Variants in STPG2 observed in about 807,000 individuals in gnomAD.
STPG2 encodes sperm-tail PG-rich repeat-containing protein 2.
A neutral mutation model predicts 54.2 loss-of-function variants in STPG2; 56 were observed. That is an observed-to-expected ratio of 1.03 (90% CI 0.83 to 1.29). STPG2 has a LOEUF of 1.29. Ranked by LOEUF, STPG2 falls within the 50% of genes most tolerant of loss-of-function variation. The pLI is 0.00. For synonymous variants in STPG2, 200 were observed against 181.8 expected, an observed-to-expected ratio of 1.10 and a Z score of -0.81; for missense variants, 596 against 544.9, an observed-to-expected ratio of 1.09 and a Z score of -0.93.
intron 4 of STPG2, among the ~76,000 whole-genome samples, chr4:97,442,644 G>T (rs899346826): frequency 8.5e-5 from 13 of 152,174 alleles, no homozygotes; most frequent in African/African-American, 3.1e-4. Context: ...CCTGCTGAAG[G>T]CTTATTTAAC....
chr4:97,529,765 G>A (rs768675924), intron 4 of STPG2, among the ~76,000 whole-genome samples: 7 of 152,092 alleles, frequency 4.6e-5, no homozygotes, highest in Non-Finnish European at 1.0e-4. Context: ...TAGTTTATTT[G>A]AGTAGAGGTG....
chr4:97,496,903 G>C (rs1730623179), intron 4 of STPG2, among the ~76,000 whole-genome samples: 1 of 151,098 alleles, frequency 6.6e-6, no homozygotes, highest in Non-Finnish European at 1.5e-5. Context: ...AGAAGTTCAT[G>C]ACTCCATTAA....
chr4:97,886,026 G>A (rs1029923824), intron 8 of STPG2, among the ~76,000 whole-genome samples: 2 of 152,120 alleles, frequency 1.3e-5, no homozygotes, highest in African/African-American at 4.8e-5. Flanking sequence ...ACAAAAATAT[G>A]CAATAGGCAA....
At chr4:97,841,014 A>C (rs1728787331) in intron 8 of STPG2, 82 bp from the exon 9 acceptor site, 1 of 1,358,288 alleles carries the variant, frequency 7.4e-7, no homozygotes, top group African/African-American at 1.5e-5. Context: ...TGGTTACAGT[A>C]AGCAATGAAT....
At chr4:97,928,034 C>T (rs529334744) in intron 8 of STPG2, among the ~76,000 whole-genome samples, 3 of 152,182 alleles carry the variant, frequency 2.0e-5, no homozygotes, top group African/African-American at 7.2e-5. Flanking sequence ...CACAGGCAAT[C>T]TTCCTTTCAA....
At chr4:97,900,193 T>C (rs779483528) in intron 8 of STPG2, among the ~76,000 whole-genome samples, 51 of 152,134 alleles carry the variant, frequency 3.4e-4, no homozygotes, top group Middle Eastern at 3.4e-3. Context: ...CACTAATAAT[T>C]ATACAAATGC....
chr4:98,127,512 C>T (rs1739864295), intron 3 of STPG2, among the ~76,000 whole-genome samples: 1 of 152,140 alleles, frequency 6.6e-6, no homozygotes, highest in Admixed American at 6.6e-5. Context: ...CTGAGAATGC[C>T]TTTTCTTTGC....
intron 5 of STPG2, among the ~76,000 whole-genome samples, chr4:98,064,105 C>T (rs1161597211): frequency 1.8e-4 from 27 of 152,146 alleles, no homozygotes. Context: ...ATTCTAGGAA[C>T]AACTTTCTAA....
At chr4:97,722,455 G>A (rs762097014) in intron 9 of STPG2, among the ~76,000 whole-genome samples, 1 of 152,116 alleles carries the variant, frequency 6.6e-6, no homozygotes, top group Non-Finnish European at 1.5e-5. Flanking sequence ...TAAAATCAGA[G>A]CCTTATGTGT....
chr4:97,456,891 CAAAAAAAA>C (rs57563048), intron 4 of STPG2, among the ~76,000 whole-genome samples: 2 of 48,894 alleles, frequency 4.1e-5, no homozygotes, highest in South Asian at 1.2e-3. Context: ...TGCTCCGTCT[CAAAAAAAA>C]AAAAAAGAAA....
intron 10 of STPG2, among the ~76,000 whole-genome samples, chr4:97,612,150 A>G (rs965902835): frequency 1.3e-5 from 2 of 151,784 alleles, no homozygotes; most frequent in Admixed American, 1.3e-4. Context: ...AAAAAAATAA[A>G]ATTGGTTAAT....
chr4:97,941,674 C>T (rs900435747), intron 8 of STPG2, among the ~76,000 whole-genome samples: 1 of 151,896 alleles, frequency 6.6e-6, no homozygotes, highest in African/African-American at 2.4e-5. Context: ...GCAGCATATC[C>T]ATAAGTAAAA....
intron 10 of STPG2, among the ~76,000 whole-genome samples, chr4:97,706,474 A>G (rs968083355): frequency 2.6e-5 from 4 of 152,214 alleles, no homozygotes; most frequent in African/African-American, 7.2e-5. Context: ...TCTGTGAATC[A>G]GGAAGAAGAC....
intron 10 of STPG2, among the ~76,000 whole-genome samples, chr4:97,606,034 T>C (rs1310973064): frequency 6.6e-6 from 1 of 151,842 alleles, no homozygotes; most frequent in Non-Finnish European, 1.5e-5. Flanking sequence ...ACAAACTACT[T>C]CAAAGCAGCA....
intron 1 of STPG2, among the ~76,000 whole-genome samples, chr4:98,136,306 C>A (rs2903153): frequency 6.6e-6 from 1 of 151,346 alleles, no homozygotes; most frequent in Admixed American, 6.6e-5. Flanking sequence ...CCCAATAAAA[C>A]CATTGTAATT....
chr4:97,887,337 A>G (rs1004519743), intron 8 of STPG2, among the ~76,000 whole-genome samples: 8 of 152,308 alleles, frequency 5.3e-5, no homozygotes, highest in Non-Finnish European at 8.8e-5. Flanking sequence ...AGTGAAATGA[A>G]CAGTGAAGGT....
chr4:97,716,213 G>T (rs1724283575), intron 9 of STPG2, among the ~76,000 whole-genome samples: 1 of 152,116 alleles, frequency 6.6e-6, no homozygotes, highest in South Asian at 2.1e-4. Flanking sequence ...TGCTGGAGAG[G>T]ATGTGGAGAA....
rs746009793 is a variant in STPG2 at position 97,943,960 on chromosome 4, G to C, written c.981C>G (p.Asn327Lys). ...QGVGISDELP[N>K]LTNKYAAFLS... is the part of the protein sequence containing the mutation. ...AGAAAGCAGCATATTTGTTAGTCAA[G>C]TTAGGTAATTCATCAGAAATTCCCA... Residue 327 changes from asparagine to lysine, a missense_variant, in exon 8 of 11, where the codon AAC (asparagine) becomes AAG (lysine). By Grantham distance (94) the Asn-to-Lys change is moderately conservative. Transcript: ENST00000295268. 9.3e-6 allele frequency: 15 copies of C among 1,606,266 alleles called. No individual in the cohort carries two copies. In the South Asian group the frequency reaches 1.3e-4, roughly 14 times the overall value.
chr4:97,568,743 T>G (rs781615720), intron 10 of STPG2, among the ~76,000 whole-genome samples: 3 of 152,026 alleles, frequency 2.0e-5, no homozygotes, highest in Non-Finnish European at 4.4e-5. Context: ...TACCAGAAAT[T>G]ACATTCCCAA....
Sources: allele counts gnomAD v4.1 joint callset (sites outside exome capture counted in the v4.1 genomes callset), GRCh38; gene constraint gnomAD v4.1.1; transcripts MANE v1.5; gene names NCBI Gene and HGNC (gene_info 2026-07-23, HGNC 2026-07-21).